Variants in HNF4A observed in about 807,000 individuals in gnomAD.
HNF4A encodes the protein hepatocyte nuclear factor 4 alpha, also known as hepatocyte nuclear factor 4-alpha.
A neutral mutation model predicts 52.4 loss-of-function variants in HNF4A; 15 were observed. That is an observed-to-expected ratio of 0.29 (90% CI 0.19 to 0.44). The LOEUF is 0.44. Among genes scored for constraint, HNF4A ranks in the 20% least tolerant of loss-of-function variants. HNF4A has a pLI of 1.00. For synonymous variants in HNF4A, 280 were observed against 264.4 expected (o/e 1.06, Z -0.57); for missense variants, 479 against 647.2 (o/e 0.74, Z 2.82).
At chr20:44,407,792 T>TGTGTGTGTGTG (rs2063524251) in intron 3 of HNF4A, among the ~76,000 whole-genome samples, 2 of 151,418 alleles carry the variant, frequency 1.3e-5, no homozygotes, top group African/African-American at 4.9e-5. Flanking sequence ...TGTGTGTGTG[T>TGTGTGTGTGTG]TTAATATAAT....
intron 1 of HNF4A, among the ~76,000 whole-genome samples, chr20:44,362,204 G>C (rs2062924285): frequency 6.6e-6 from 1 of 152,048 alleles, no homozygotes; most frequent in African/African-American, 2.4e-5. Context: ...TGGATCACTT[G>C]AGGTCAGGAG....
chr20:44,356,112 C>A (rs931373128), intron 1 of HNF4A, among the ~76,000 whole-genome samples: 1 of 152,166 alleles, frequency 6.6e-6, no homozygotes, highest in Non-Finnish European at 1.5e-5. Flanking sequence ...TGTCCAGAGG[C>A]CTTCCTGGGA....
chr20:44,365,234 T>C (rs1277490756), intron 1 of HNF4A, among the ~76,000 whole-genome samples: 2 of 152,090 alleles, frequency 1.3e-5, no homozygotes, highest in Non-Finnish European at 2.9e-5. Context: ...TGAGCCACAA[T>C]CATGGTTCAC....
At chr20:44,403,486 C>A (rs918016949) in intron 1 of HNF4A, among the ~76,000 whole-genome samples, 1 of 152,242 alleles carries the variant, frequency 6.6e-6, no homozygotes, top group African/African-American at 2.4e-5. Flanking sequence ...TAAGCAGGGT[C>A]CCCACATTCC....
chr20:44,398,352 A>C (rs558593337), upstream of HNF4A, among the ~76,000 whole-genome samples: 24 of 152,366 alleles, frequency 1.6e-4, no homozygotes, highest in African/African-American at 4.8e-4. Flanking sequence ...GTTACTTTGC[A>C]TCTGTAATCC....
At chr20:44,369,355 AG>A (rs2063008280) in intron 1 of HNF4A, among the ~76,000 whole-genome samples, 2 of 150,556 alleles carry the variant, frequency 1.3e-5, no homozygotes, top group Non-Finnish European at 3.0e-5. Context: ...GTTTGAACCC[AG>A]GAGGTCGAGG....
upstream of HNF4A, among the ~76,000 whole-genome samples, chr20:44,397,093 C>G (rs529597014): frequency 2.3e-4 from 35 of 152,282 alleles, no homozygotes; most frequent in Admixed American, 2.3e-3. Flanking sequence ...TATACAGGCA[C>G]CAGAGACCAA....
At chr20:44,361,038 C>T (rs1159514323) in intron 1 of HNF4A, among the ~76,000 whole-genome samples, 1 of 152,116 alleles carries the variant, frequency 6.6e-6, no homozygotes, top group Non-Finnish European at 1.5e-5. Flanking sequence ...GGACCGTGTC[C>T]AATATCAGGC....
intron 1 of HNF4A, among the ~76,000 whole-genome samples, chr20:44,381,192 T>C (rs2063148751): frequency 6.6e-6 from 1 of 151,990 alleles, no homozygotes. Flanking sequence ...TATAGAAAGA[T>C]CTCCATTTTG....
intron 8 of HNF4A, among the ~76,000 whole-genome samples, chr20:44,427,519 G>A (rs554286472): frequency 4.6e-5 from 7 of 152,274 alleles, no homozygotes; most frequent in Admixed American, 2.6e-4. Context: ...GCTTGCAAGC[G>A]TTGAAATTCC....
At chr20:44,392,507 A>T (rs2063313147) in intron 1 of HNF4A, among the ~76,000 whole-genome samples, 1 of 152,102 alleles carries the variant, frequency 6.6e-6, no homozygotes, top group African/African-American at 2.4e-5. Flanking sequence ...CTTTAATTTT[A>T]AAAAATCTTT....
At chr20:44,368,086 ATGTG>A (rs544910153) in intron 1 of HNF4A, among the ~76,000 whole-genome samples, 1,610 of 102,212 alleles carry the variant, frequency 0.016, 34 homozygotes, top group African/African-American at 0.042. Flanking sequence ...ATATATATAT[ATGTG>A]TGTGTGTGTG....
chr20:44,402,378 G>A (rs900577174), intron 1 of HNF4A, among the ~76,000 whole-genome samples: 25 of 152,080 alleles, frequency 1.6e-4, no homozygotes, highest in African/African-American at 4.6e-4. Flanking sequence ...CTGTATGGGC[G>A]TTTTGTCGTG....
intron 1 of HNF4A, among the ~76,000 whole-genome samples, chr20:44,358,554 A>C (rs1321828518): frequency 6.6e-6 from 1 of 152,194 alleles, no homozygotes; most frequent in African/African-American, 2.4e-5. Context: ...AGGTTGCATT[A>C]AGCTGAGATC....
intron 1 of HNF4A, among the ~76,000 whole-genome samples, chr20:44,386,506 T>A (rs537359025): frequency 5.0e-4 from 76 of 152,282 alleles, no homozygotes; most frequent in Non-Finnish European, 1.5e-4. Flanking sequence ...ATGATTCTTA[T>A]GGACACCAAG....
chr20:44,370,154 A>G (rs2063018248), intron 1 of HNF4A, among the ~76,000 whole-genome samples: 1 of 151,920 alleles, frequency 6.6e-6, no homozygotes, highest in African/African-American at 2.4e-5. Context: ...AGCCCCCCCA[A>G]GTAGCTGGGA....
At chr20:44,394,567 G>A (rs2063335662) in intron 1 of HNF4A, among the ~76,000 whole-genome samples, 1 of 152,166 alleles carries the variant, frequency 6.6e-6, no homozygotes, top group Admixed American at 6.5e-5. Context: ...CAAGCTCAAA[G>A]CTGCCGCTTC....
chr20:44,418,648 G>A lies in HNF4A; in HGVS notation c.736+136G>A, dbSNP rs1403238542. On this transcript the variant is annotated intron_variant, in intron 6 of 9. Transcript: ENST00000316099. ...CAGGAGTGGCCCTGTCCTCAGGCTT[G>A]CATTAGAGGGCTCCAGGACTCAGTT... is the stretch of plus-strand genomic sequence containing the variant. 3 of 675,462 alleles carry A rather than the reference G, an allele frequency of 4.4e-6. No homozygotes were observed. In the African/African-American group the frequency reaches 5.3e-5, roughly 12 times the overall value. The allele number at this position is 675,462 out of a possible 1,614,324, so 41.8% of individuals were successfully genotyped here. A position where few individuals can be genotyped will look rare whatever the true frequency, so the allele number is the denominator to read the frequency against.
rs1017755590 is a variant in HNF4A, at chr20:44,432,739, C to G, written c.*3074C>G. On this transcript the variant is annotated 3_prime_UTR_variant, in exon 10 of 10. Coordinates refer to ENST00000316099, the MANE Select transcript of HNF4A (RefSeq NM_000457.6). Reference sequence around the variant, plus strand: ...TTAGGTCTTGCGCTGACCCCTGAGCCCCCATCACTGCCGCCTGATGGGGCA... The same window carrying G: ...TTAGGTCTTGCGCTGACCCCTGAGCGCCCATCACTGCCGCCTGATGGGGCA... The G allele has an allele frequency of 2.6e-5, 4 of 152,102 alleles. No individual in the cohort carries two copies. Among genetic ancestry groups the G allele is most frequent in the African/African-American group, 9.7e-5 (4 of 41,398 alleles). The allele number at this position is 152,102 out of a possible 1,614,324, so 9.4% of individuals were successfully genotyped here. A position where few individuals can be genotyped will look rare whatever the true frequency, so the allele number is the denominator to read the frequency against.
Sources: gnomAD v4.1 joint callset for allele counts (sites outside exome capture counted in the v4.1 genomes callset) on GRCh38, gnomAD v4.1.1 for gene constraint, MANE v1.5 for transcripts, NCBI Gene and HGNC (gene_info 2026-07-23, HGNC 2026-07-21) for gene names.